The following SYN2 variants were observed in gnomAD, a reference collection of about 807,000 sequenced individuals.
SYN2 encodes synapsin-2.
In SYN2, 19 loss-of-function variants were observed where a neutral mutation model predicts 50.9. The observed-to-expected ratio is 0.37, with a 90% CI of 0.26 to 0.55. The LOEUF is 0.55. SYN2 is among the 20% of genes least tolerant of loss of function. The pLI, the probability that SYN2 is intolerant of heterozygous loss-of-function variation, is 0.81. For missense variants in SYN2, 587 were observed against 576.4 expected (o/e 1.02, Z -0.19); for synonymous variants, 255 against 224.9 (o/e 1.13, Z -1.20).
intron 1 of SYN2, among the ~76,000 whole-genome samples, chr3:12,080,976 GA>G (rs1054736897): frequency 6.6e-6 from 1 of 152,042 alleles, no homozygotes; most frequent in Non-Finnish European, 1.5e-5. Flanking sequence ...TGATAGTTCA[GA>G]AAAAAATATA....
intron 4 of SYN2, among the ~76,000 whole-genome samples, chr3:12,149,123 C>G (rs1483093693): frequency 1.3e-5 from 2 of 152,146 alleles, no homozygotes; most frequent in African/African-American, 4.8e-5. Flanking sequence ...GTTGGCTGTC[C>G]CAGGGCTCTG....
At chr3:12,086,788 T>G (rs371471392) in intron 1 of SYN2, among the ~76,000 whole-genome samples, 16 of 152,178 alleles carry the variant, frequency 1.1e-4, no homozygotes, top group Admixed American at 3.3e-4. Context: ...AAGCTTTTTC[T>G]CTAAGATCAG....
chr3:12,188,939 C>T (rs1661584), intron 12 of SYN2, among the ~76,000 whole-genome samples: 96,576 of 151,780 alleles, frequency 0.64, 33,387 homozygotes, highest in South Asian at 0.79. Flanking sequence ...ATAGAGCCAA[C>T]CTCTGATGAG....
At chr3:12,183,173 A>C in intron 10 of SYN2, 139 bp from the exon 11 acceptor site, 1 of 1,206,142 alleles carries the variant, frequency 8.3e-7, no homozygotes, top group Non-Finnish European at 1.1e-6. Context: ...GGAGCAGCAG[A>C]AGCCTATGGC....
intron 1 of SYN2, chr3:12,071,549 C>A: frequency 2.9e-6 from 1 of 345,204 alleles, no homozygotes; most frequent in Non-Finnish European, 5.8e-6. Flanking sequence ...TGATTTTGAC[C>A]TTGTATTCAA....
intron 1 of SYN2, among the ~76,000 whole-genome samples, chr3:12,079,849 A>G (rs574299321): frequency 4.6e-5 from 7 of 152,196 alleles, no homozygotes; most frequent in East Asian, 3.9e-4. Flanking sequence ...CTCCTTTTCA[A>G]TTGTTTGGAA....
chr3:12,043,275 A>G (rs1230654970), intron 1 of SYN2, among the ~76,000 whole-genome samples: 2 of 152,134 alleles, frequency 1.3e-5, no homozygotes, highest in African/African-American at 4.8e-5. Flanking sequence ...CCTCCTGGAA[A>G]ACAAACCTCT....
chr3:12,178,119 T>G (rs1698129032), intron 10 of SYN2, among the ~76,000 whole-genome samples: 1 of 152,314 alleles, frequency 6.6e-6, no homozygotes, highest in South Asian at 2.1e-4. Context: ...CGCTGCCTCA[T>G]TCTCCCTGGG....
At chr3:12,023,460 A>G (rs561256896) in intron 1 of SYN2, among the ~76,000 whole-genome samples, 2 of 152,222 alleles carry the variant, frequency 1.3e-5, no homozygotes, top group East Asian at 1.9e-4. Context: ...TGTTAAATGA[A>G]TAGCTTCTTT....
chr3:12,076,408 G>T (rs1695468796), intron 1 of SYN2, among the ~76,000 whole-genome samples: 1 of 151,934 alleles, frequency 6.6e-6, no homozygotes, highest in Non-Finnish European at 1.5e-5. Context: ...CTCAGGCTGT[G>T]TACAAATTTT....
At chr3:12,045,031 A>G (rs1694705283) in intron 1 of SYN2, among the ~76,000 whole-genome samples, 2 of 152,186 alleles carry the variant, frequency 1.3e-5, no homozygotes, top group African/African-American at 4.8e-5. Flanking sequence ...TGGAATCATT[A>G]GAAAATCTGA....
chr3:12,017,346 A>G (rs182662735), intron 1 of SYN2, among the ~76,000 whole-genome samples: 135 of 152,346 alleles, frequency 8.9e-4, no homozygotes, highest in African/African-American at 3.1e-3. Flanking sequence ...GTAGATTACT[A>G]CTATTAACCT....
At chr3:12,047,737 A>T (rs1694770268) in intron 1 of SYN2, among the ~76,000 whole-genome samples, 1 of 152,202 alleles carries the variant, frequency 6.6e-6, no homozygotes, top group Admixed American at 6.5e-5. Flanking sequence ...ATATATTAAC[A>T]TTATCTGAAG....
At chr3:12,036,099 C>A (rs1397001775) in intron 1 of SYN2, among the ~76,000 whole-genome samples, 1 of 152,132 alleles carries the variant, frequency 6.6e-6, no homozygotes, top group East Asian at 1.9e-4. Flanking sequence ...GATTTTACTT[C>A]ATTTCCATGC....
chr3:12,125,165 C>T (rs960685952), intron 1 of SYN2, among the ~76,000 whole-genome samples: 1 of 152,088 alleles, frequency 6.6e-6, no homozygotes, highest in African/African-American at 2.4e-5. Context: ...CAGGCGTGTG[C>T]CACCATGCTT....
At chr3:12,069,357 T>G (rs559115886) in intron 1 of SYN2, among the ~76,000 whole-genome samples, 13 of 152,166 alleles carry the variant, frequency 8.5e-5, no homozygotes, top group Non-Finnish European at 7.4e-5. Context: ...CAAGCTGTTC[T>G]CCTGCCTCAG....
chr3:12,086,932 A>C (rs1356242418), intron 1 of SYN2, among the ~76,000 whole-genome samples: 1 of 152,126 alleles, frequency 6.6e-6, no homozygotes, highest in Admixed American at 6.5e-5. Context: ...GTTTCTGCTG[A>C]TGATATTATA....
intron 1 of SYN2, among the ~76,000 whole-genome samples, chr3:12,072,307 T>C (rs1695372970): frequency 6.6e-6 from 1 of 152,218 alleles, no homozygotes; most frequent in Admixed American, 6.5e-5. Context: ...CTATTGATAG[T>C]ATCTTTTGAA....
chr3:12,168,315 C>A, intron 8 of SYN2, 61 bp from the exon 9 acceptor site: 1 of 1,420,320 alleles, frequency 7.0e-7, no homozygotes, highest in Non-Finnish European at 9.8e-7. Flanking sequence ...GCCTGACTGG[C>A]AAGCAAGCTT....
Sources: gnomAD v4.1 joint callset for allele counts (sites outside exome capture counted in the v4.1 genomes callset) on GRCh38, gnomAD v4.1.1 for gene constraint, MANE v1.5 for transcripts, NCBI Gene and HGNC (gene_info 2026-07-23, HGNC 2026-07-21) for gene names.